The following PDZD8 variants were observed in gnomAD, a reference collection of about 807,000 sequenced individuals.
PDZD8 encodes the protein PDZ domain containing 8.
PDZD8 carries 14 observed loss-of-function variants against 85.8 expected under a neutral mutation model. The observed-to-expected ratio is 0.16, with a 90% CI of 0.11 to 0.26. The LOEUF is 0.26. PDZD8 is among the 10% of genes least tolerant of loss of function. The pLI is 1.00. For synonymous variants in PDZD8, 592 were observed against 568.6 expected (o/e 1.04, Z -0.59); for missense variants, 1,197 against 1,424.3 (o/e 0.84, Z 2.57).
intron 4 of PDZD8, among the ~76,000 whole-genome samples, chr10:117,286,246 T>A (rs1282893081): frequency 6.6e-6 from 1 of 152,246 alleles, no homozygotes; most frequent in Non-Finnish European, 1.5e-5. Context: ...CCAGCCATAC[T>A]GTCCCTTCCC....
chr10:117,290,085 G>T, intron 4 of PDZD8, 101 bp downstream of exon 4: 2 of 986,602 alleles, frequency 2.0e-6, no homozygotes, highest in Non-Finnish European at 2.9e-6. Context: ...AGTGACATAT[G>T]CATATTATAG....
intron 4 of PDZD8, among the ~76,000 whole-genome samples, chr10:117,286,155 T>C (rs2133759845): frequency 6.6e-6 from 1 of 152,348 alleles, no homozygotes; most frequent in Middle Eastern, 3.4e-3. Flanking sequence ...ATTTTTTAAT[T>C]GTTACACGTA....
rs777815586 is a variant in PDZD8 at position 117,285,053 on chromosome 10, A to G, written c.1680T>C (p.Asp560=). ...HPLPPKIQSK[D]GNKPPPLKTS... is the part of the protein sequence containing the mutation. Reference sequence around the variant, plus strand: ...TTTTTAGGGGTGGAGGTTTATTTCCATCTTTGGACTGAATTTTCGGTGGTA... The same window carrying G: ...TTTTTAGGGGTGGAGGTTTATTTCCGTCTTTGGACTGAATTTTCGGTGGTA... Residue 560 remains aspartate, a synonymous_variant, in exon 5 of 5, where the codon GAT becomes GAC. Transcript: ENST00000334464. 2 of 1,613,706 alleles carry G rather than the reference A, an allele frequency of 1.2e-6. No homozygotes were observed. The highest frequency in any genetic ancestry group is 1.7e-6 in the Non-Finnish European group (2 of 1,179,778).
chr10:117,369,345 G>T (rs1013397696), intron 1 of PDZD8, among the ~76,000 whole-genome samples: 1 of 148,830 alleles, frequency 6.7e-6, no homozygotes, highest in African/African-American at 2.5e-5. Context: ...TTTTAGTAAA[G>T]ATGGGGTTTC....
chr10:117,342,483 T>A (rs781370121), intron 1 of PDZD8, among the ~76,000 whole-genome samples: 1 of 152,070 alleles, frequency 6.6e-6, no homozygotes, highest in Non-Finnish European at 1.5e-5. Context: ...ATGTTCCTTT[T>A]TTATTTTTTC....
chr10:117,334,102 CAA>C (rs1271194864), intron 2 of PDZD8, among the ~76,000 whole-genome samples: 3 of 152,130 alleles, frequency 2.0e-5, no homozygotes, highest in African/African-American at 7.2e-5. Context: ...ACTGGATAAA[CAA>C]AATTTTTTAT....
intron 3 of PDZD8, among the ~76,000 whole-genome samples, chr10:117,303,126 T>C (rs550508878): frequency 1.2e-4 from 19 of 152,270 alleles, no homozygotes; most frequent in Non-Finnish European, 2.4e-4. Context: ...AAAGAAAATG[T>C]GGGAAAGTTT....
At chr10:117,339,090 CAT>C (rs1844564905) in intron 2 of PDZD8, among the ~76,000 whole-genome samples, 1 of 132,546 alleles carries the variant, frequency 7.5e-6, no homozygotes. Flanking sequence ...GGCTTTCTAA[CAT>C]AATGATACAC....
rs1844512376 is a variant in PDZD8, at chr10:117,277,336, C to T, written c.*5932G>A. 3 of 933,586 alleles carry T rather than the reference C, an allele frequency of 3.2e-6. No individual in the cohort carries two copies. Among genetic ancestry groups the T allele is most frequent in the Non-Finnish European group, 5.0e-6 (3 of 597,060 alleles). The allele number at this position is 933,586 out of a possible 1,614,324, so 57.8% of individuals were successfully genotyped here. A position where few individuals can be genotyped will look rare whatever the true frequency, so the allele number is the denominator to read the frequency against. On this transcript the variant is annotated 3_prime_UTR_variant, in exon 5 of 5. Transcript: ENST00000334464. ...AGTGTTTCCAGTGACACAACTCATC[C>T]AGAACTGTCTTAGTCATACCATCCA... is the stretch of plus-strand genomic sequence containing the variant.
intron 1 of PDZD8, among the ~76,000 whole-genome samples, chr10:117,343,222 G>A (rs182946329): frequency 5.3e-5 from 8 of 152,310 alleles, no homozygotes; most frequent in Non-Finnish European, 8.8e-5. Flanking sequence ...AATAGAGGGG[G>A]TTAAATGCTG....
chr10:117,312,941 T>C lies in PDZD8; in HGVS notation c.1098+5931A>G, dbSNP rs114930208. Among the ~76,000 whole-genome samples the C allele has an allele frequency of 4.7e-3, 721 of 152,320 alleles. 3 individuals are homozygous for C. The highest frequency in any genetic ancestry group is 0.017 in the African/African-American group (692 of 41,572). Reference sequence around the variant, plus strand: ...AAAATAAGGGTATAAAAAGATTTCATTTTGTGACATCTTTCATGAAAAGTC... The same window carrying C: ...AAAATAAGGGTATAAAAAGATTTCACTTTGTGACATCTTTCATGAAAAGTC... On this transcript the variant is annotated intron_variant, in intron 3 of 4. Transcript: ENST00000334464.
chr10:117,324,208 CAAAAAAAA>C (rs60898350), intron 2 of PDZD8, among the ~76,000 whole-genome samples: 12 of 29,236 alleles, frequency 4.1e-4, no homozygotes, highest in African/African-American at 1.2e-3. Flanking sequence ...GACTCCATCT[CAAAAAAAA>C]AAAAAAAAAA....
chr10:117,292,408 C>A (rs1844783991), intron 3 of PDZD8, among the ~76,000 whole-genome samples: 1 of 152,128 alleles, frequency 6.6e-6, no homozygotes, highest in Admixed American at 6.5e-5. Flanking sequence ...CATATTCTCT[C>A]AAATCCAGGA....
At chr10:117,305,461 TACACACACATACACAC>T (rs1564693462) in intron 3 of PDZD8, among the ~76,000 whole-genome samples, 70 of 55,266 alleles carry the variant, frequency 1.3e-3, no homozygotes, top group African/African-American at 4.6e-3. Context: ...CACACATATA[TACACACACATACACAC>T]ACACACACAC....
intron 2 of PDZD8, among the ~76,000 whole-genome samples, chr10:117,329,387 C>T (rs927368011): frequency 1.3e-5 from 2 of 152,044 alleles, no homozygotes; most frequent in African/African-American, 4.8e-5. Context: ...ATGTTGAAAC[C>T]TTCCAGTAAG....
At chr10:117,373,604 C>CAAAAAAAAAAAAAAAAA (rs796930758) in intron 1 of PDZD8, among the ~76,000 whole-genome samples, 4 of 52,426 alleles carry the variant, frequency 7.6e-5, no homozygotes, top group African/African-American at 2.0e-4. Flanking sequence ...CTAAAAAATA[C>CAAAAAAAAAAAAAAAAA]AAAAAAAAAA....
chr10:117,325,010 G>T (rs1389323892), intron 2 of PDZD8, among the ~76,000 whole-genome samples: 1 of 152,022 alleles, frequency 6.6e-6, no homozygotes, highest in Non-Finnish European at 1.5e-5. Context: ...CTTGTAAAAG[G>T]ACACAGTTGG....
rs534566160 is a variant in PDZD8 at position 117,321,907 on chromosome 10, A to G, written c.996-2933T>C. 5.6e-4 allele frequency among the ~76,000 whole-genome samples: 85 copies of G among 152,322 alleles called. 1 individual carries two copies. In the South Asian group the frequency reaches 0.017, roughly 30 times the overall value. ...GGTACCTTAAAACCAAATAAATTCA[A>G]AAACATCATTAATTGTGAAAAATAA... On this transcript the variant is annotated intron_variant, in intron 2 of 4. Transcript: ENST00000334464.
intron 4 of PDZD8, among the ~76,000 whole-genome samples, chr10:117,288,920 T>C (rs1156504398): frequency 2.0e-5 from 3 of 152,256 alleles, no homozygotes; most frequent in African/African-American, 7.2e-5. Context: ...AATAGGTATT[T>C]ACTACTTGTG....
Sources: allele counts gnomAD v4.1 joint callset (sites outside exome capture counted in the v4.1 genomes callset), GRCh38; gene constraint gnomAD v4.1.1; transcripts MANE v1.5; gene names NCBI Gene and HGNC (gene_info 2026-07-23, HGNC 2026-07-21).